Variants in DCC observed in about 807,000 individuals in gnomAD.
DCC encodes the protein netrin receptor DCC.
In DCC, 58 loss-of-function variants were observed where a neutral mutation model predicts 172.5. That is an observed-to-expected ratio of 0.34 (90% confidence interval 0.27 to 0.42). The LOEUF (loss-of-function observed/expected upper bound fraction) is 0.42, where lower values mean the gene tolerates loss of function less well. Ranked by LOEUF, DCC falls within the 10% of genes least tolerant of loss-of-function variation. The probability of loss-of-function intolerance (pLI) is 1.00; values close to 1 mark genes in which losing one functional copy is unlikely to be tolerated. For missense variants in DCC, 1,740 were observed against 1,791.0 expected (o/e 0.97, Z 0.51); for synonymous variants, 709 against 644.5 (o/e 1.10, Z -1.52).
intron 1 of DCC, among the ~76,000 whole-genome samples, chr18:52,575,188 T>C (rs2033381195): frequency 6.6e-6 from 1 of 152,180 alleles, no homozygotes; most frequent in Non-Finnish European, 1.5e-5. Flanking sequence ...ACCAATTCTA[T>C]TTTATACCAC....
At chr18:52,455,050 T>A (rs1009906392) in intron 1 of DCC, among the ~76,000 whole-genome samples, 2 of 152,192 alleles carry the variant, frequency 1.3e-5, no homozygotes, top group African/African-American at 2.4e-5. Flanking sequence ...ATATTATGAA[T>A]TTAATGTATA....
chr18:53,122,595 T>G (rs749650337), intron 7 of DCC, among the ~76,000 whole-genome samples: 2 of 152,040 alleles, frequency 1.3e-5, no homozygotes, highest in Non-Finnish European at 2.9e-5. Context: ...TGTAGTAAAC[T>G]TGATTGACCA....
chr18:53,512,568 A>T lies in DCC; in HGVS notation c.4111+13058A>T, dbSNP rs530003220. ...AAAGAAGTTGAAAACTTTGAAAAAA[A>T]TTTAGAAGAATGTATAACTAGAATA... On this transcript the variant is annotated intron_variant, in intron 27 of 28. Coordinates refer to ENST00000442544, the MANE Select transcript of DCC (RefSeq NM_005215.4). Among the ~76,000 whole-genome samples the T allele has an allele frequency of 7.0e-3, 1,047 of 148,648 alleles. 8 individuals carry two copies. Among genetic ancestry groups the T allele is most frequent in the Middle Eastern group, 0.017 (5 of 288 alleles).
chr18:52,878,341 A>G (rs2039432485), intron 2 of DCC, among the ~76,000 whole-genome samples: 1 of 152,144 alleles, frequency 6.6e-6, no homozygotes, highest in African/African-American at 2.4e-5. Context: ...ACTGTCCATA[A>G]CACAACTCAC....
intron 2 of DCC, among the ~76,000 whole-genome samples, chr18:52,823,845 A>G (rs1475839776): frequency 2.0e-5 from 3 of 152,182 alleles, no homozygotes; most frequent in Non-Finnish European, 4.4e-5. Flanking sequence ...AGATAAAGCA[A>G]CATAAAACTT....
At chr18:53,083,808 A>T (rs1353985498) in intron 7 of DCC, among the ~76,000 whole-genome samples, 1 of 152,226 alleles carries the variant, frequency 6.6e-6, no homozygotes, top group Non-Finnish European at 1.5e-5. Flanking sequence ...GGATAAAATG[A>T]ACAGCTATAA....
intron 1 of DCC, among the ~76,000 whole-genome samples, chr18:52,639,375 G>C (rs1335026557): frequency 6.6e-6 from 1 of 152,024 alleles, no homozygotes; most frequent in Admixed American, 6.6e-5. Context: ...CAAAAAGCTG[G>C]TTCCTTGAAA....
rs905334606 is a variant in DCC, at chr18:52,907,687, G to T, written c.697+1359G>T. 2.0e-5 allele frequency among the ~76,000 whole-genome samples: 3 copies of T among 152,176 alleles called. No homozygotes were observed. The South Asian group carries it at 6.2e-4, about 32-fold the overall frequency. ...TGCCTCAGCCTCCGCCTCCCAAATT[G>T]CTGGGATTACAGGCGTGAGCCACTG... On this transcript the variant is annotated intron_variant, in intron 3 of 28. Transcript: ENST00000442544.
chr18:53,033,783 T>G (rs1322174663), intron 5 of DCC, among the ~76,000 whole-genome samples: 11 of 152,170 alleles, frequency 7.2e-5, no homozygotes, highest in Admixed American at 5.2e-4. Flanking sequence ...TTGCTTTTAC[T>G]ATAAAACTTC....
intron 2 of DCC, among the ~76,000 whole-genome samples, chr18:52,903,343 C>T (rs1272889633): frequency 6.6e-6 from 1 of 152,028 alleles, no homozygotes; most frequent in East Asian, 1.9e-4. Flanking sequence ...TAGCTGGGAC[C>T]ACAGGTGTGT....
At chr18:53,372,231 G>C (rs930952931) in intron 15 of DCC, among the ~76,000 whole-genome samples, 6 of 152,028 alleles carry the variant, frequency 3.9e-5, no homozygotes, top group African/African-American at 1.4e-4. Flanking sequence ...GCCCATCCAT[G>C]GTAGACTGGA....
At chr18:52,530,600 T>C (rs1267963369) in intron 1 of DCC, among the ~76,000 whole-genome samples, 1 of 152,208 alleles carries the variant, frequency 6.6e-6, no homozygotes, top group Admixed American at 6.5e-5. Context: ...TGTCTTTTTC[T>C]TCAGTGTTCT....
chr18:52,769,967 C>T (rs2037313844), intron 2 of DCC, among the ~76,000 whole-genome samples: 1 of 152,094 alleles, frequency 6.6e-6, no homozygotes, highest in African/African-American at 2.4e-5. Context: ...AAACTGCCAT[C>T]ATCTCTTGCC....
intron 1 of DCC, among the ~76,000 whole-genome samples, chr18:52,534,584 C>G (rs1235611467): frequency 1.3e-5 from 2 of 152,110 alleles, no homozygotes; most frequent in East Asian, 3.9e-4. Flanking sequence ...GTACATTAGG[C>G]CCGCAGTAGG....
chr18:53,277,991 G>A (rs921555110), intron 12 of DCC, among the ~76,000 whole-genome samples: 7 of 152,034 alleles, frequency 4.6e-5, no homozygotes, highest in Non-Finnish European at 8.8e-5. Flanking sequence ...TTTTATGTTA[G>A]GTATTCTGTT....
intron 8 of DCC, among the ~76,000 whole-genome samples, chr18:53,167,099 G>A (rs552760523): frequency 6.6e-6 from 1 of 152,272 alleles, no homozygotes; most frequent in East Asian, 1.9e-4. Context: ...GAAGGTTAAT[G>A]TAACTCTTCC....
At chr18:53,254,801 T>A (rs569242690) in intron 12 of DCC, among the ~76,000 whole-genome samples, 161 of 152,218 alleles carry the variant, frequency 1.1e-3, no homozygotes, top group South Asian at 7.9e-3. Context: ...TGCGTAGGTA[T>A]AAGCATTATT....
chr18:52,358,223 G>A (rs1217782669), intron 1 of DCC, among the ~76,000 whole-genome samples: 3 of 152,106 alleles, frequency 2.0e-5, no homozygotes, highest in African/African-American at 7.2e-5. Flanking sequence ...CTTTTAACAA[G>A]CTCTCTAGGT....
At chr18:53,048,807 A>G (rs754956902) in intron 5 of DCC, among the ~76,000 whole-genome samples, 25 of 151,834 alleles carry the variant, frequency 1.6e-4, no homozygotes, top group Non-Finnish European at 3.2e-4. Context: ...CCAGCAGGGT[A>G]TAAGGATTTT....
Sources: gnomAD v4.1 joint callset for allele counts (sites outside exome capture counted in the v4.1 genomes callset) on GRCh38, gnomAD v4.1.1 for gene constraint, MANE v1.5 for transcripts, NCBI Gene and HGNC (gene_info 2026-07-23, HGNC 2026-07-21) for gene names.